SPTBN2: variants seen among roughly 807,000 people sequenced by gnomAD.
SPTBN2 encodes spectrin beta chain, non-erythrocytic 2.
SPTBN2 carries 107 observed loss-of-function variants against 284.2 expected under a neutral mutation model. The observed-to-expected ratio is 0.38, with a 90% CI of 0.32 to 0.44. SPTBN2 has a LOEUF of 0.44. Ranked by LOEUF, SPTBN2 falls within the 20% of genes least tolerant of loss-of-function variation. SPTBN2 has a pLI of 1.00. For synonymous variants in SPTBN2, 1,289 were observed against 1,354.8 expected (o/e 0.95, Z 1.07); for missense variants, 2,569 against 3,287.1 (o/e 0.78, Z 5.34).
Position 66,704,904 on chromosome 11 carries a change from G to C in SPTBN2, c.2372C>G (p.Ala791Gly). Residue 791 changes from alanine (A) to glycine (G), a missense_variant, in exon 15 of 38, where the codon GCC becomes GGC. This residue lies in a region of SPTBN2 where 1,012 missense variants were observed against 1,248.9 expected (regional missense o/e 0.81). Coordinates refer to ENST00000533211, the MANE Select transcript of SPTBN2 (RefSeq NM_006946.4). Reference sequence around the variant, plus strand: ...GTGGCTTCGAATCTCCTCCTCCAGGGCCCGATGCTGCCTGGCTAGAGCCTG... The same window carrying C: ...GTGGCTTCGAATCTCCTCCTCCAGGCCCCGATGCTGCCTGGCTAGAGCCTG... Reference protein sequence around the residue: ...STQALARQHRALEEEIRSHRP... With the variant: ...STQALARQHRGLEEEIRSHRP... 1 of 1,611,534 alleles carries C rather than the reference G, an allele frequency of 6.2e-7. No individual in the cohort carries two copies. The highest frequency in any genetic ancestry group is 8.5e-7 in the Non-Finnish European group (1 of 1,179,902).
intron 3 of SPTBN2, among the ~76,000 whole-genome samples, chr11:66,716,604 G>A (rs563690071): frequency 1.3e-5 from 2 of 152,336 alleles, no homozygotes; most frequent in South Asian, 4.1e-4. Flanking sequence ...TGGAAGCAGT[G>A]GAATGCTGGT....
chr11:66,700,721 G>T lies in SPTBN2; in HGVS notation c.3378C>A (p.Ala1126=). 2 of 1,604,088 alleles carry T rather than the reference G, an allele frequency of 1.2e-6. No individual in the cohort carries two copies. The highest frequency in any genetic ancestry group is 8.5e-7 in the Non-Finnish European group (1 of 1,179,810). The change falls in exon 17 of 38, where the codon GCC becomes GCA. Residue 1126 remains alanine, a synonymous_variant. Coordinates refer to ENST00000533211, the MANE Select transcript of SPTBN2 (RefSeq NM_006946.4). This position sits in a 1 kb window ranked among gnomAD's most constrained non-coding sequence, Gnocchi z 6.6. ...RAQSEYSRLR[A]LGEEVTRDQA... ...GGTCCCGGGTCACCTCCTCGCCCAG[G>T]GCTCGCAGCCGGCTATACTCGCTCT... is the stretch of plus-strand genomic sequence containing the variant.
intron 20 of SPTBN2, 120 bp from the exon 21 acceptor site, chr11:66,696,660 C>T: frequency 1.5e-6 from 2 of 1,350,686 alleles, no homozygotes; most frequent in East Asian, 2.3e-5. Flanking sequence ...ATTCCAAGTC[C>T]TTGTGTGTTC....
rs751575277 is a variant in SPTBN2, at chr11:66,688,749, G to C, written c.6135C>G (p.Val2045=). 4 of 1,613,356 alleles carry C rather than the reference G, an allele frequency of 2.5e-6. No individual in the cohort carries two copies. Among genetic ancestry groups the C allele is most frequent in the African/African-American group, 1.3e-5 (1 of 74,902 alleles). ...GCTTGATGAGGCTCTCAACTTCGTC[G>C]ACCGTGCAACCCAGCTCAGCGCTGC... ...LVRSAELGCT[V]DEVESLIKRH... The change falls in exon 31 of 38, where the codon GTC becomes GTG. Residue 2045 remains valine, a synonymous_variant. Coordinates refer to ENST00000533211, the MANE Select transcript of SPTBN2 (RefSeq NM_006946.4).
At position 66,693,611 on chromosome 11, in the gene SPTBN2, A is replaced by G. The variant is rs1214753299; in HGVS notation, c.4593+161T>C. Among the ~76,000 whole-genome samples, 2 of 151,848 alleles carry G rather than the reference A, an allele frequency of 1.3e-5. No homozygotes were observed. Among genetic ancestry groups the G allele is most frequent in the Admixed American group, 6.6e-5 (1 of 15,260 alleles). ...ACCCGTCAGCCGCCCAGCCCCCACT[A>G]TCTCCTACTGAGAGGACCCACCCTC... On this transcript the variant is annotated intron_variant, in intron 23 of 37. Transcript: ENST00000533211. The surrounding 1 kb of genome is among the most constrained non-coding windows in gnomAD (Gnocchi z 5.7).
rs887194100 is a variant in SPTBN2, at chr11:66,682,544, A to C, written c.*3327T>G. On this transcript the variant is annotated 3_prime_UTR_variant, in exon 38 of 38. Coordinates refer to ENST00000533211, the MANE Select transcript of SPTBN2 (RefSeq NM_006946.4). ...TACTTTTGAAACCCAATATATCTAA[A>C]ATATTATTTCAACACATAATCAATA... 2.0e-5 allele frequency among the ~76,000 whole-genome samples: 3 copies of C among 152,254 alleles called. No individual in the cohort carries two copies. The highest frequency in any genetic ancestry group is 7.2e-5 in the African/African-American group (3 of 41,462).
Position 66,684,741 on chromosome 11 carries a change from C to G in SPTBN2, c.*1130G>C, listed in dbSNP as rs1940002306. ...CCCAGAGTGACTTCATTCTGTTGAT[C>G]AGTTTATTGGAACCTGCCACTTCTC... is the stretch of plus-strand genomic sequence containing the variant. On this transcript the variant is annotated 3_prime_UTR_variant, in exon 38 of 38. Coordinates refer to ENST00000533211, the MANE Select transcript of SPTBN2 (RefSeq NM_006946.4). 6.6e-6 allele frequency among the ~76,000 whole-genome samples: 1 copy of G among 151,838 alleles called. No individual in the cohort carries two copies. Among genetic ancestry groups the G allele is most frequent in the Admixed American group, 6.6e-5 (1 of 15,228 alleles).
rs1942425891 is a variant in SPTBN2 at position 66,721,997 on chromosome 11, A to G, written c.-113-557T>C. Among the ~76,000 whole-genome samples the G allele has an allele frequency of 2.0e-5, 3 of 152,122 alleles. No individual in the cohort carries two copies. The South Asian group carries it at 6.2e-4, about 32-fold the overall frequency. ...GGGCGCACCTTAGAGCGAGACTAGT[A>G]GAAAAAAAAAAAGACCTAGATTCTG... On this transcript the variant is annotated intron_variant, in intron 1 of 37. Transcript: ENST00000533211.
At chr11:66,709,852 T>C (rs1941762800) in intron 10 of SPTBN2, among the ~76,000 whole-genome samples, 1 of 152,216 alleles carries the variant, frequency 6.6e-6, no homozygotes, top group African/African-American at 2.4e-5. Context: ...AGTTAATTGC[T>C]AAAATACTGA....
chr11:66,734,475 G>A (rs1188576487), intron 1 of SPTBN2, among the ~76,000 whole-genome samples: 2 of 152,094 alleles, frequency 1.3e-5, no homozygotes, highest in Non-Finnish European at 2.9e-5. Flanking sequence ...ACCTCTTAGA[G>A]TTTCCCCAGT....
intron 15 of SPTBN2, among the ~76,000 whole-genome samples, chr11:66,701,943 A>C (rs1941270059): frequency 6.6e-6 from 1 of 152,140 alleles, no homozygotes; most frequent in Admixed American, 6.5e-5. Context: ...CATCGCTAGA[A>C]ATGCTCAAAA....
rs773888695 is a variant in SPTBN2, at chr11:66,699,586, T to C, written c.3596A>G (p.Glu1199Gly). Residue 1199 changes from glutamate to glycine, a missense_variant, in exon 18 of 38, where the codon GAG becomes GGG. This residue lies in a region of SPTBN2 where 1,012 missense variants were observed against 1,248.9 expected (regional missense o/e 0.81). Coordinates refer to ENST00000533211, the MANE Select transcript of SPTBN2 (RefSeq NM_006946.4). ...SSQEYVLSHT[E>G]MPGTLQAADA... The stretch of plus-strand genomic sequence containing the variant: ...AGCAGCCTGGAGTGTCCCTGGCATC[T>C]CCGTGTGAGACAGAACATATTCCTG... 18 of 1,613,972 alleles carry C rather than the reference T, an allele frequency of 1.1e-5. No homozygotes were observed. Among genetic ancestry groups the C allele is most frequent in the Non-Finnish European group, 1.5e-5 (18 of 1,180,024 alleles).
intron 30 of SPTBN2, 115 bp from the exon 31 acceptor site, chr11:66,688,964 G>C: frequency 6.7e-7 from 1 of 1,483,032 alleles, no homozygotes; most frequent in Non-Finnish European, 9.3e-7. Context: ...CCCCAGAGCT[G>C]TGCCAGGCAG....
intron 1 of SPTBN2, among the ~76,000 whole-genome samples, chr11:66,724,777 C>T (rs1942551837): frequency 6.6e-6 from 1 of 152,184 alleles, no homozygotes. Context: ...AAGGTTCTGC[C>T]TTTGTGTGTC....
rs529473844 is a variant in SPTBN2, at chr11:66,726,093, T to A, written c.-114+2648A>T. On this transcript the variant is annotated intron_variant, in intron 1 of 37. Transcript: ENST00000533211. ...AAGGGCTGTCTTACTCGTTTTGGTG[T>A]TTTTCCAGACTCAGTACAACAGATA... 1.1e-4 allele frequency among the ~76,000 whole-genome samples: 16 copies of A among 152,322 alleles called. No individual in the cohort carries two copies. In the South Asian group the frequency reaches 3.3e-3, roughly 32 times the overall value.
At chr11:66,717,890 AC>A (rs1942217971) in intron 3 of SPTBN2, among the ~76,000 whole-genome samples, 1 of 152,140 alleles carries the variant, frequency 6.6e-6, no homozygotes, top group East Asian at 1.9e-4. Context: ...GTGAACACAC[AC>A]CTGCGCAGAC....
intron 1 of SPTBN2, among the ~76,000 whole-genome samples, chr11:66,725,538 T>C (rs1415260087): frequency 6.6e-6 from 1 of 151,914 alleles, no homozygotes; most frequent in Non-Finnish European, 1.5e-5. Flanking sequence ...CCCAGCTTCA[T>C]GACCCCCTGT....
chr11:66,733,045 G>A (rs1942825238), upstream of SPTBN2, among the ~76,000 whole-genome samples: 2 of 152,018 alleles, frequency 1.3e-5, no homozygotes, highest in African/African-American at 4.8e-5. Flanking sequence ...GGAAAACAGA[G>A]GGGAAGAGGG....
intron 1 of SPTBN2, among the ~76,000 whole-genome samples, chr11:66,740,992 T>G (rs1265046889): frequency 1.3e-5 from 2 of 152,198 alleles, no homozygotes; most frequent in African/African-American, 2.4e-5. Context: ...CCTAGGATGT[T>G]CTGGTTCCAC....
Sources: gnomAD v4.1 joint callset for allele counts (sites outside exome capture counted in the v4.1 genomes callset) on GRCh38, gnomAD v4.1.1 for gene constraint, gnomAD v4.1.1 regional missense constraint, Gnocchi (gnomAD v3.1) non-coding constraint, MANE v1.5 for transcripts, NCBI Gene and HGNC (gene_info 2026-07-23, HGNC 2026-07-21) for gene names.